The following LMO7 variants were observed in gnomAD, a reference collection of about 807,000 sequenced individuals.
The protein encoded by LMO7 is LIM domain 7.
In LMO7, 120 loss-of-function variants were observed where a neutral mutation model predicts 206.5. That is an observed-to-expected ratio of 0.58 (90% CI 0.50 to 0.68). The LOEUF (loss-of-function observed/expected upper bound fraction) is 0.68. LMO7 is among the 30% of genes least tolerant of loss of function. The pLI, the probability that LMO7 is intolerant of heterozygous loss-of-function variation, is 0.00. For synonymous variants in LMO7, 706 were observed against 681.5 expected (o/e 1.04, Z -0.56); for missense variants, 1,959 against 1,957.9 (o/e 1.00, Z -0.01).
chr13:75,846,768 C>T (rs1331912652), intron 26 of LMO7, among the ~76,000 whole-genome samples: 1 of 152,116 alleles, frequency 6.6e-6, no homozygotes, highest in African/African-American at 2.4e-5. Context: ...GATTTAAAAA[C>T]TTGGTTATAC....
In LMO7 at chr13:75,676,269, G is replaced by A. The variant is rs184800133; in HGVS notation, c.70-36913G>A. Among the ~76,000 whole-genome samples, 328 of 152,046 alleles carry A rather than the reference G, an allele frequency of 2.2e-3. 4 individuals carry two copies. Among genetic ancestry groups the A allele is most frequent in the Non-Finnish European group, 1.3e-3 (86 of 67,982 alleles). On this transcript the variant is annotated intron_variant, in intron 1 of 30. Coordinates refer to ENST00000377534, the MANE Select transcript of LMO7 (RefSeq NM_001306080.2). ...ATTATTTAAGTATGTGCCTCTCTCCGGATTCAGTATTTGTCTGACTTAATC... is the reference window on the plus strand; with the variant it reads ...ATTATTTAAGTATGTGCCTCTCTCCAGATTCAGTATTTGTCTGACTTAATC...
chr13:75,721,673 T>C (rs1489244105), intron 2 of LMO7, among the ~76,000 whole-genome samples: 1 of 152,236 alleles, frequency 6.6e-6, no homozygotes, highest in East Asian at 1.9e-4. Context: ...TAGTATTCCA[T>C]GGTATATGCA....
At chr13:75,746,606 A>C (rs528034430) in intron 3 of LMO7, among the ~76,000 whole-genome samples, 1 of 152,298 alleles carries the variant, frequency 6.6e-6, no homozygotes, top group East Asian at 1.9e-4. Context: ...ATCTGCCAAC[A>C]ATGGGCCTGC....
chr13:75,848,638 G>A (rs1349870373), intron 26 of LMO7, among the ~76,000 whole-genome samples: 3 of 140,372 alleles, frequency 2.1e-5, no homozygotes, highest in Non-Finnish European at 3.1e-5. Flanking sequence ...TATATATCAT[G>A]TTCTCTATCC....
At chr13:75,744,506 G>C (rs1256898906) in intron 3 of LMO7, among the ~76,000 whole-genome samples, 2 of 152,092 alleles carry the variant, frequency 1.3e-5, no homozygotes, top group Admixed American at 1.3e-4. Context: ...TATTTGAGTA[G>C]GATTATATCA....
chr13:75,767,631 T>C (rs2049073625), intron 4 of LMO7, among the ~76,000 whole-genome samples: 1 of 152,040 alleles, frequency 6.6e-6, no homozygotes, highest in Admixed American at 6.6e-5. Context: ...ACTGGAAGGA[T>C]CTGAACACAG....
intron 6 of LMO7, 96 bp from the exon 7 acceptor site, chr13:75,800,588 C>T: frequency 8.8e-7 from 1 of 1,138,008 alleles, no homozygotes; most frequent in Non-Finnish European, 1.3e-6. Flanking sequence ...AAATAAAACC[C>T]AACTTAAATT....
chr13:75,699,630 G>T (rs1363195629), intron 1 of LMO7, among the ~76,000 whole-genome samples: 1 of 152,058 alleles, frequency 6.6e-6, no homozygotes, highest in Non-Finnish European at 1.5e-5. Context: ...GGGAGTGTAC[G>T]AATAGGGCGT....
chr13:75,730,229 T>C (rs1275991012), intron 3 of LMO7, among the ~76,000 whole-genome samples: 2 of 152,186 alleles, frequency 1.3e-5, no homozygotes, highest in Non-Finnish European at 2.9e-5. Context: ...GTACCTCTGG[T>C]AGTATTTGGC....
intron 3 of LMO7, among the ~76,000 whole-genome samples, chr13:75,755,811 T>A (rs953471788): frequency 3.2e-4 from 48 of 152,308 alleles, no homozygotes; most frequent in African/African-American, 1.1e-3. Flanking sequence ...TTCTACCCAA[T>A]TAACTAAGTG....
At chr13:75,801,029 T>C (rs1171470663) in intron 7 of LMO7, 147 bp downstream of exon 7, 2 of 709,192 alleles carry the variant, frequency 2.8e-6, no homozygotes, top group Non-Finnish European at 4.8e-6. Flanking sequence ...ATTGGGGGTT[T>C]TGTTATTTTT....
At chr13:75,832,564 A>C (rs1470038664) in intron 15 of LMO7, among the ~76,000 whole-genome samples, 1 of 152,204 alleles carries the variant, frequency 6.6e-6, no homozygotes, top group Non-Finnish European at 1.5e-5. Context: ...GAGTGGTACC[A>C]GTCCTAGATG....
At chr13:75,703,709 G>A (rs947863013) in intron 1 of LMO7, among the ~76,000 whole-genome samples, 1 of 144,426 alleles carries the variant, frequency 6.9e-6, no homozygotes, top group Non-Finnish European at 1.5e-5. Flanking sequence ...CTGACTTCAG[G>A]TTCTTTGTGT....
intron 3 of LMO7, among the ~76,000 whole-genome samples, chr13:75,745,738 G>T (rs2046783106): frequency 6.6e-6 from 1 of 152,212 alleles, no homozygotes; most frequent in African/African-American, 2.4e-5. Context: ...CAGCCCTCCT[G>T]CTAGCAAGAG....
intron 4 of LMO7, among the ~76,000 whole-genome samples, chr13:75,784,492 TTAAG>T (rs992566983): frequency 4.6e-5 from 7 of 152,202 alleles, no homozygotes; most frequent in African/African-American, 1.7e-4. Flanking sequence ...TAATTTATTT[TTAAG>T]TAATATGTAG....
intron 1 of LMO7, among the ~76,000 whole-genome samples, chr13:75,710,753 A>G (rs544289350): frequency 6.6e-6 from 1 of 152,214 alleles, no homozygotes; most frequent in South Asian, 2.1e-4. Context: ...AACAGGGACA[A>G]TTTGACTTCC....
chr13:75,846,880 A>T (rs1425403793), intron 26 of LMO7, among the ~76,000 whole-genome samples: 3 of 152,128 alleles, frequency 2.0e-5, no homozygotes, highest in Admixed American at 1.3e-4. Context: ...AAAATACAAA[A>T]ATTAGCCAGG....
chr13:75,713,377 G>A, intron 2 of LMO7, 125 bp downstream of exon 2: 1 of 573,474 alleles, frequency 1.7e-6, no homozygotes, highest in East Asian at 2.9e-5. Context: ...TCACAGGTGA[G>A]ATTTGATCCC....
rs762952744 is a variant in LMO7 at position 75,841,756 on chromosome 13, G to A, written c.3804G>A (p.Glu1268=). Residue 1268 remains glutamate (E), a synonymous_variant, in exon 24 of 31, where the codon GAG becomes GAA. Coordinates refer to ENST00000377534, the MANE Select transcript of LMO7 (RefSeq NM_001306080.2). The part of the protein sequence containing the change: ...SDREGTRAGE[E]ERRQPQEEVV... ...GAGAAGGAACCCGAGCAGGAGAAGA[G>A]GAGAGGAGACAGCCACAAGAGGAAG... 2 of 1,614,096 alleles carry A rather than the reference G, an allele frequency of 1.2e-6. No homozygotes were observed. Among genetic ancestry groups the A allele is most frequent in the South Asian group, 1.1e-5 (1 of 91,070 alleles).
Sources: allele counts gnomAD v4.1 joint callset (sites outside exome capture counted in the v4.1 genomes callset), GRCh38; gene constraint gnomAD v4.1.1; transcripts MANE v1.5; gene names NCBI Gene and HGNC (gene_info 2026-07-23, HGNC 2026-07-21).